The following HIF3A variants were observed in gnomAD, a reference collection of about 807,000 sequenced individuals.
HIF3A encodes the protein hypoxia inducible factor 3 subunit alpha.
HIF3A carries 41 observed loss-of-function variants against 67.2 expected under a neutral mutation model. The ratio of observed to expected loss-of-function variants is 0.61; its 90% CI spans 0.48 to 0.79. HIF3A has a LOEUF of 0.79. Ranked by LOEUF, HIF3A falls within the 30% of genes least tolerant of loss-of-function variation. HIF3A has a pLI of 0.00. For missense variants in HIF3A, 855 were observed against 898.0 expected, an observed-to-expected ratio of 0.95 and a Z score of 0.61; for synonymous variants, 356 against 374.8, an observed-to-expected ratio of 0.95 and a Z score of 0.58.
In HIF3A at chr19:46,342,106, TTCTC is replaced by T. The variant is rs1277552639; in HGVS notation, c.*2486_*2489del. On this transcript the variant is annotated 3_prime_UTR_variant, in exon 15 of 15. Coordinates refer to ENST00000377670, the MANE Select transcript of HIF3A (RefSeq NM_152795.4). Reference sequence around the variant, plus strand: ...GATTCAAGATCTGGTGATCTGCTGTTTCTCTGGTTCTAGAACTGACTTACAAGTG... The same window carrying T: ...GATTCAAGATCTGGTGATCTGCTGTTTGGTTCTAGAACTGACTTACAAGTG... 6.6e-6 allele frequency: 1 copy of T among 152,204 alleles called. No homozygotes were observed. The highest frequency in any genetic ancestry group is 1.5e-5 in the Non-Finnish European group (1 of 68,044). 9.4% of individuals were successfully genotyped at this position (152,204 alleles called of 1,614,324 possible).
intron 14 of HIF3A, among the ~76,000 whole-genome samples, chr19:46,337,447 C>A (rs1971709519): frequency 1.3e-5 from 2 of 151,986 alleles, no homozygotes; most frequent in Non-Finnish European, 2.9e-5. Context: ...TTTTTAATTT[C>A]TGTAGAGAAA....
Position 46,312,630 on chromosome 19 carries a change from C to T in HIF3A, c.1002C>T (p.Ile334=). ...GACGGGGCCCCCAGTCGGAGAGTAT[C>T]GTCTGTGTCCATTTTTTAATCAGGT... ...SGGRGPQSES[I]VCVHFLISQV... is the part of the protein sequence containing the mutation. Residue 334 remains isoleucine, a synonymous_variant, in exon 8 of 15, where the codon ATC becomes ATT. Coordinates refer to ENST00000377670, the MANE Select transcript of HIF3A (RefSeq NM_152795.4). 6.4e-7 allele frequency: 1 copy of T among 1,567,062 alleles called. No individual in the cohort carries two copies. Among genetic ancestry groups the T allele is most frequent in the South Asian group, 1.2e-5 (1 of 84,058 alleles).
chr19:46,333,776 TTTTC>T (rs1228404002), intron 13 of HIF3A, among the ~76,000 whole-genome samples: 9 of 145,658 alleles, frequency 6.2e-5, no homozygotes, highest in African/African-American at 1.1e-4. Flanking sequence ...CTTTCCTTTC[TTTTC>T]TTTCTTTCTT....
chr19:46,297,141 GGC>G lies in HIF3A; in HGVS notation c.26+40_26+41del. 9.0e-7 allele frequency: 1 copy of G among 1,113,284 alleles called. No individual in the cohort carries two copies. Among genetic ancestry groups the G allele is most frequent in the Non-Finnish European group, 1.2e-6 (1 of 850,514 alleles). The allele number at this position is 1,113,284 out of a possible 1,614,324, so 69.0% of individuals were successfully genotyped here. On this transcript the variant is annotated intron_variant, in intron 1 of 14. Coordinates refer to ENST00000377670, the MANE Select transcript of HIF3A (RefSeq NM_152795.4). This position sits in a 1 kb window ranked among gnomAD's most constrained non-coding sequence, Gnocchi z 4.5. Reference sequence around the variant, plus strand: ...GGGGCAGGAGTTCTGGGAATTGGGGGGCTCTCCTCCTGGAGACCCCTGAGCTG... The same window carrying G: ...GGGGCAGGAGTTCTGGGAATTGGGGGTCTCCTCCTGGAGACCCCTGAGCTG...
intron 14 of HIF3A, 24 bp from the exon 15 acceptor site, chr19:46,339,494 TTCATTTA>T: frequency 7.1e-7 from 1 of 1,406,764 alleles, no homozygotes; most frequent in Non-Finnish European, 9.7e-7. Flanking sequence ...TCTTTTACCT[TTCATTTA>T]TCATTTATCT....
chr19:46,298,377 C>A, intron 1 of HIF3A: 1 of 1,285,074 alleles, frequency 7.8e-7, no homozygotes, highest in Non-Finnish European at 1.0e-6. Flanking sequence ...CCCCTCCCCA[C>A]CCAAGGCCGG....
At chr19:46,300,330 T>C (rs1455364729) in intron 1 of HIF3A, among the ~76,000 whole-genome samples, 1 of 152,168 alleles carries the variant, frequency 6.6e-6, no homozygotes, top group Non-Finnish European at 1.5e-5. Context: ...CCTAAGCCCA[T>C]GCTTTCCATC....
chr19:46,321,371 GTC>G (rs1970348086), intron 9 of HIF3A, among the ~76,000 whole-genome samples: 2 of 152,120 alleles, frequency 1.3e-5, no homozygotes, highest in Non-Finnish European at 2.9e-5. Flanking sequence ...ATCACTTGAG[GTC>G]AGGAGTTTGA....
At chr19:46,305,705 A>G (rs1968784311) in intron 3 of HIF3A, among the ~76,000 whole-genome samples, 1 of 152,152 alleles carries the variant, frequency 6.6e-6, no homozygotes. Context: ...GGATCAGTGA[A>G]GATCAGGAAT....
intron 8 of HIF3A, among the ~76,000 whole-genome samples, chr19:46,314,408 T>C (rs1157831273): frequency 6.9e-6 from 1 of 144,974 alleles, no homozygotes; most frequent in African/African-American, 2.5e-5. Context: ...CACAAAAATA[T>C]ATATGGTTTT....
At chr19:46,315,548 GT>G (rs1442465317) in intron 8 of HIF3A, among the ~76,000 whole-genome samples, 1 of 151,762 alleles carries the variant, frequency 6.6e-6, no homozygotes, top group Non-Finnish European at 1.5e-5. Flanking sequence ...GAGATCACAT[GT>G]TTTCATTTCT....
At position 46,339,625 on chromosome 19, in the gene HIF3A, C is replaced by G. The variant is rs375946648; in HGVS notation, c.*3C>G. On this transcript the variant is annotated 3_prime_UTR_variant, in exon 15 of 15. Coordinates refer to ENST00000377670, the MANE Select transcript of HIF3A (RefSeq NM_152795.4). ...CAGGCTCAGCCCAGGCTGACTGAGC[C>G]GGCTCCTCTCCCCATCTGCCTTCTC... is the stretch of plus-strand genomic sequence containing the variant. 7 of 1,590,698 alleles carry G rather than the reference C, an allele frequency of 4.4e-6. No homozygotes were observed. The East Asian group carries it at 1.1e-4, about 26-fold the overall frequency.
chr19:46,305,102 A>G, intron 2 of HIF3A, 143 bp from the exon 3 acceptor site: 1 of 1,163,294 alleles, frequency 8.6e-7, no homozygotes, highest in Non-Finnish European at 1.3e-6. Flanking sequence ...AATCCAGGCC[A>G]CTAGGATGTA....
intron 6 of HIF3A, chr19:46,310,442 C>A: frequency 1.0e-5 from 3 of 295,388 alleles, no homozygotes; most frequent in South Asian, 2.8e-5. Context: ...TATTTGTTCA[C>A]CCTCTATCCT....
intron 1 of HIF3A, among the ~76,000 whole-genome samples, chr19:46,299,807 G>T (rs1259563795): frequency 2.0e-5 from 3 of 151,878 alleles, no homozygotes; most frequent in Non-Finnish European, 4.4e-5. Context: ...CAGTAGTGAG[G>T]AAGCAGACGG....
chr19:46,298,364 C>A, intron 1 of HIF3A: 16 of 999,288 alleles, frequency 1.6e-5, no homozygotes, highest in Non-Finnish European at 2.2e-5. Context: ...AGCTCGGGTG[C>A]CCCCCCTCCC....
intron 1 of HIF3A, chr19:46,303,627 C>T (rs1430160860): frequency 1.9e-6 from 3 of 1,575,092 alleles, no homozygotes; most frequent in Non-Finnish European, 8.6e-7. Flanking sequence ...ACAGAGCGGC[C>T]CTAGGCGCGC....
At position 46,331,210 on chromosome 19, in the gene HIF3A, G is replaced by A; in HGVS notation, c.1767G>A (p.Val589=). 1 of 1,614,090 alleles carries A rather than the reference G, an allele frequency of 6.2e-7. No homozygotes were observed. Among genetic ancestry groups the A allele is most frequent in the Non-Finnish European group, 8.5e-7 (1 of 1,179,998 alleles). Residue 589 remains valine (V), a synonymous_variant, in exon 13 of 15, where the codon GTG becomes GTA. Transcript: ENST00000377670. ...DEDEGVELLG[V]RPPKRSPSPE... is the part of the protein sequence containing the mutation. ...ACGAGGGAGTGGAGCTGCTGGGAGT[G>A]AGACCTCCCAAAAGGTCCCCCAGCC...
rs1249978255 is a variant in HIF3A, at chr19:46,339,649, T to C, written c.*27T>C. On this transcript the variant is annotated 3_prime_UTR_variant, in exon 15 of 15. Coordinates refer to ENST00000377670, the MANE Select transcript of HIF3A (RefSeq NM_152795.4). ...CCGGCTCCTCTCCCCATCTGCCTTC[T>C]CCTCCCCCAGAAAGGACCTCAACCA... is the stretch of plus-strand genomic sequence containing the variant. The C allele has an allele frequency of 1.3e-6, 2 of 1,524,536 alleles. No homozygotes were observed. The highest frequency in any genetic ancestry group is 1.8e-6 in the Non-Finnish European group (2 of 1,116,066). The allele number at this position is 1,524,536 out of a possible 1,614,324, so 94.4% of individuals were successfully genotyped here.
Sources: allele counts gnomAD v4.1 joint callset (sites outside exome capture counted in the v4.1 genomes callset), GRCh38; gene constraint gnomAD v4.1.1; non-coding constraint Gnocchi (gnomAD v3.1); transcripts MANE v1.5; gene names NCBI Gene and HGNC (gene_info 2026-07-23, HGNC 2026-07-21).